The following ZNF892 variants were observed in gnomAD, a reference collection of about 807,000 sequenced individuals.
ZNF892 encodes zinc finger protein 570-like.
chr2:95,249,498 T>G, the ZNF892 span, among the ~76,000 whole-genome samples: 2 of 151,294 alleles, frequency 1.3e-5, no homozygotes, highest in African/African-American at 4.9e-5. Flanking sequence ...CCGCCCGCCT[T>G]AGCCTCCCAA....
the ZNF892 span, among the ~76,000 whole-genome samples, chr2:95,211,343 A>G: frequency 6.6e-6 from 1 of 152,236 alleles, no homozygotes; most frequent in East Asian, 1.9e-4. Flanking sequence ...ATTGATACAT[A>G]AACTAAAAAG....
At chr2:95,212,368 C>T in the ZNF892 span, 1 of 397,654 alleles carries the variant, frequency 2.5e-6, no homozygotes, top group East Asian at 3.6e-5. Context: ...TTTGCTAGAC[C>T]CATGGAAAAG....
At chr2:95,210,556 C>A in the ZNF892 span, among the ~76,000 whole-genome samples, 2 of 152,170 alleles carry the variant, frequency 1.3e-5, no homozygotes, top group Non-Finnish European at 2.9e-5. Flanking sequence ...GCAGTGTTTT[C>A]AATGTTTAAT....
chr2:95,241,256 C>T, the ZNF892 span, among the ~76,000 whole-genome samples: 1 of 152,174 alleles, frequency 6.6e-6, no homozygotes, highest in African/African-American at 2.4e-5. Flanking sequence ...CAGGTCAGCA[C>T]CCCCCTGGGA....
chr2:95,241,958 G>C, the ZNF892 span, among the ~76,000 whole-genome samples: 1 of 152,096 alleles, frequency 6.6e-6, no homozygotes, highest in Non-Finnish European at 1.5e-5. Context: ...AAAAAATAAT[G>C]AAAAGGAATG....
the ZNF892 span, among the ~76,000 whole-genome samples, chr2:95,234,156 T>C: frequency 5.3e-5 from 8 of 152,138 alleles, no homozygotes; most frequent in Non-Finnish European, 1.5e-5. Flanking sequence ...TTTTGTGAAA[T>C]ATGTGTGTCT....
At chr2:95,255,906 G>C in the ZNF892 span, among the ~76,000 whole-genome samples, 3 of 152,084 alleles carry the variant, frequency 2.0e-5, no homozygotes, top group African/African-American at 7.2e-5. Flanking sequence ...TGCAACCCCT[G>C]CCTTTTTTTG....
chr2:95,233,752 G>A, the ZNF892 span, among the ~76,000 whole-genome samples: 1 of 147,234 alleles, frequency 6.8e-6, no homozygotes, highest in Admixed American at 6.8e-5. Context: ...TCCCTGCCTC[G>A]GCCTCCCAGA....
the ZNF892 span, among the ~76,000 whole-genome samples, chr2:95,227,923 G>A: frequency 9.9e-5 from 15 of 152,210 alleles, no homozygotes; most frequent in South Asian, 2.5e-3. Context: ...CAACATAATC[G>A]CAATGCTGTT....
At chr2:95,256,708 C>T in the ZNF892 span, among the ~76,000 whole-genome samples, 2 of 152,246 alleles carry the variant, frequency 1.3e-5, no homozygotes, top group Non-Finnish European at 2.9e-5. Flanking sequence ...TTCAGATACA[C>T]CAATCAGACA....
the ZNF892 span, among the ~76,000 whole-genome samples, chr2:95,256,843 C>T: frequency 6.6e-6 from 1 of 152,040 alleles, no homozygotes; most frequent in African/African-American, 2.4e-5. Context: ...TCACTGATAC[C>T]CTTTCTTCCA....
At chr2:95,220,346 G>A in the ZNF892 span, among the ~76,000 whole-genome samples, 2 of 149,094 alleles carry the variant, frequency 1.3e-5, no homozygotes, top group African/African-American at 4.9e-5. Context: ...TTTTTCTTGG[G>A]GCTTTTTTTT....
At chr2:95,239,319 A>G in the ZNF892 span, among the ~76,000 whole-genome samples, 1 of 152,180 alleles carries the variant, frequency 6.6e-6, no homozygotes, top group Non-Finnish European at 1.5e-5. Context: ...TGAAATGACA[A>G]CAAAGGATTT....
the ZNF892 span, among the ~76,000 whole-genome samples, chr2:95,240,419 C>G: frequency 6.6e-6 from 1 of 152,212 alleles, no homozygotes; most frequent in South Asian, 2.1e-4. Context: ...CTCGGGAAAC[C>G]ATGCTTCTCC....
At chr2:95,225,566 C>T in the ZNF892 span, among the ~76,000 whole-genome samples, 1 of 152,258 alleles carries the variant, frequency 6.6e-6, no homozygotes, top group Non-Finnish European at 1.5e-5. Flanking sequence ...AAACTCTTAA[C>T]ACCGGCAATT....
the ZNF892 span, among the ~76,000 whole-genome samples, chr2:95,218,808 C>T: frequency 7.9e-5 from 12 of 152,270 alleles, no homozygotes; most frequent in Non-Finnish European, 1.6e-4. Context: ...TCTCACATGA[C>T]CTTTTCTCAG....
chr2:95,213,778 A>T, the ZNF892 span, among the ~76,000 whole-genome samples: 1 of 152,180 alleles, frequency 6.6e-6, no homozygotes, highest in East Asian at 1.9e-4. Flanking sequence ...GAGACAGTAG[A>T]ACCAACAGAT....
the ZNF892 span, chr2:95,211,624 A>T: frequency 6.3e-5 from 25 of 398,548 alleles, no homozygotes; most frequent in South Asian, 1.5e-3. Context: ...TCAGGAATTG[A>T]TGATCAGGGA....
the ZNF892 span, among the ~76,000 whole-genome samples, chr2:95,250,348 C>T: frequency 1.3e-4 from 20 of 151,708 alleles, no homozygotes; most frequent in Admixed American, 9.2e-4. Context: ...TCTCAAGACA[C>T]GCCTGATTTA....
Sources: allele counts gnomAD v4.1 joint callset (sites outside exome capture counted in the v4.1 genomes callset), GRCh38; gene constraint gnomAD v4.1.1; transcripts MANE v1.5; gene names NCBI Gene and HGNC (gene_info 2026-07-23, HGNC 2026-07-21).